The following FBN1 variants were observed in gnomAD, a reference collection of about 807,000 sequenced individuals.
FBN1 encodes fibrillin 1, also known as fibrillin-1.
In FBN1, 29 loss-of-function variants were observed where a neutral mutation model predicts 365.1. The ratio of observed to expected loss-of-function variants is 0.08; its 90% CI spans 0.06 to 0.11. FBN1 has a LOEUF of 0.11. FBN1 is among the 10% of genes least tolerant of loss of function. The pLI is 1.00. For synonymous variants in FBN1, 1,210 were observed against 1,270.5 expected (o/e 0.95, Z 1.01); for missense variants, 2,476 against 3,703.2 (o/e 0.67, Z 8.60).
chr15:48,542,498 G>GA (rs2044064894), intron 6 of FBN1, among the ~76,000 whole-genome samples: 1 of 152,160 alleles, frequency 6.6e-6, no homozygotes. Flanking sequence ...TCTGAGGAAG[G>GA]AGTTCAGAGA....
chr15:48,541,727 CTT>C lies in FBN1; in HGVS notation c.539-3921_539-3920del, dbSNP rs61478233. ...TGATATTAAGCTAAATTTACATACT[CTT>C]TTTTTTTTTTTTTTCAGATAGTCTC... On this transcript the variant is annotated intron_variant, in intron 6 of 65. Transcript: ENST00000316623. Among the ~76,000 whole-genome samples, 399 of 137,712 alleles carry C rather than the reference CTT, an allele frequency of 2.9e-3. 3 individuals are homozygous for C. Among genetic ancestry groups the C allele is most frequent in the African/African-American group, 7.2e-3 (270 of 37,620 alleles). The allele number at this position is 137,712 out of a possible 152,430, so 90.3% of individuals were successfully genotyped here.
rs2141240476 is a variant in FBN1 at position 48,437,059 on chromosome 15, T to C, written c.6398A>G (p.Glu2133Gly). Residue 2133 changes from glutamate (E) to glycine (G), a missense_variant, in exon 53 of 66, where the codon GAA (glutamate) becomes GGA (glycine). Around this residue, in one of 5 missense-constraint regions of FBN1, gnomAD observed 1,780 missense variants for 2,840.8 expected, o/e 0.63. Transcript: ENST00000316623. ...CTGTCCATGTTTACAGACATCGGGT[T>C]CTTTGCATTCGTCCATATCTTAAGC... Reference protein sequence around the residue: ...DSAVDMDECKEPDVCKHGQCI... With the variant: ...DSAVDMDECKGPDVCKHGQCI... 1 of 1,612,270 alleles carries C rather than the reference T, an allele frequency of 6.2e-7. No homozygotes were observed. Among genetic ancestry groups the C allele is most frequent in the Non-Finnish European group, 8.5e-7 (1 of 1,178,440 alleles).
chr15:48,534,720 C>T (rs17460473), intron 7 of FBN1, among the ~76,000 whole-genome samples: 76 of 152,170 alleles, frequency 5.0e-4, no homozygotes, highest in African/African-American at 1.7e-3. Context: ...AATGTTTTTG[C>T]GCAAATGAAG....
intron 60 of FBN1, among the ~76,000 whole-genome samples, chr15:48,422,759 A>T (rs541921203): frequency 6.7e-4 from 102 of 152,190 alleles, no homozygotes; most frequent in Non-Finnish European, 1.3e-3. Flanking sequence ...CACGAGTTTG[A>T]GACCAGCCTG....
At chr15:48,609,030 C>A (rs912265568) in intron 4 of FBN1, among the ~76,000 whole-genome samples, 1 of 152,220 alleles carries the variant, frequency 6.6e-6, no homozygotes, top group African/African-American at 2.4e-5. Context: ...GAGATGGGGT[C>A]TATTCCCAAC....
chr15:48,607,923 G>A (rs2044626903), intron 4 of FBN1, among the ~76,000 whole-genome samples: 1 of 152,206 alleles, frequency 6.6e-6, no homozygotes, highest in African/African-American at 2.4e-5. Context: ...ACATAGCAAA[G>A]AACAGTCCTA....
chr15:48,497,251 G>C lies in FBN1; in HGVS notation c.2293+15C>G. ...TATGCAGGCAATGTTTCAGAAAATGGGTAAAACTTCTCACCAACGCAGTTT... is the reference window on the plus strand; with the variant it reads ...TATGCAGGCAATGTTTCAGAAAATGCGTAAAACTTCTCACCAACGCAGTTT... On this transcript the variant is annotated intron_variant, in intron 19 of 65. Coordinates refer to ENST00000316623, the MANE Select transcript of FBN1 (RefSeq NM_000138.5). The C allele has an allele frequency of 6.2e-7, 1 of 1,613,896 alleles. No homozygotes were observed. Among genetic ancestry groups the C allele is most frequent in the Non-Finnish European group, 8.5e-7 (1 of 1,179,914 alleles).
rs747209043 is a variant in FBN1, at chr15:48,644,798, C to T, written c.-29G>A. Reference sequence around the variant, plus strand: ...GCCGAGCCGCCACCGGCTCCCGCCGCCTCTTGCCGCGCCCGGGGCTCGGTC... The same window carrying T: ...GCCGAGCCGCCACCGGCTCCCGCCGTCTCTTGCCGCGCCCGGGGCTCGGTC... On this transcript the variant is annotated 5_prime_UTR_variant, in exon 2 of 66. Transcript: ENST00000316623. The T allele has an allele frequency of 3.1e-6, 5 of 1,599,596 alleles. No homozygotes were observed. The highest frequency in any genetic ancestry group is 1.1e-5 in the South Asian group (1 of 90,806).
At chr15:48,588,633 C>G (rs561104537) in intron 6 of FBN1, among the ~76,000 whole-genome samples, 1 of 152,322 alleles carries the variant, frequency 6.6e-6, no homozygotes, top group African/African-American at 2.4e-5. Flanking sequence ...ACCAAGGGAA[C>G]AGATGCCACA....
intron 6 of FBN1, among the ~76,000 whole-genome samples, chr15:48,540,644 A>T (rs1158968986): frequency 1.3e-5 from 2 of 152,136 alleles, no homozygotes; most frequent in African/African-American, 4.8e-5. Context: ...GATTTTTATG[A>T]CTATATATAT....
Position 48,471,352 on chromosome 15 carries a change from C to A in FBN1, c.4337-596G>T, listed in dbSNP as rs115967718. Reference sequence around the variant, plus strand: ...TGAGACTAGCTTTAAATAGCCATGACCACTCCACCAGCCATGATTTATATT... The same window carrying A: ...TGAGACTAGCTTTAAATAGCCATGAACACTCCACCAGCCATGATTTATATT... On this transcript the variant is annotated intron_variant, in intron 35 of 65. Coordinates refer to ENST00000316623, the MANE Select transcript of FBN1 (RefSeq NM_000138.5). 5.1e-3 allele frequency among the ~76,000 whole-genome samples: 774 copies of A among 152,176 alleles called. 4 individuals are homozygous for A. Among genetic ancestry groups the A allele is most frequent in the African/African-American group, 0.018 (743 of 41,510 alleles).
chr15:48,552,066 T>C (rs1221379310), intron 6 of FBN1, among the ~76,000 whole-genome samples: 1 of 152,180 alleles, frequency 6.6e-6, no homozygotes, highest in Non-Finnish European at 1.5e-5. Flanking sequence ...AATTAGGTCT[T>C]TGAGGAATCA....
intron 6 of FBN1, among the ~76,000 whole-genome samples, chr15:48,594,983 C>T (rs2044505778): frequency 6.6e-6 from 1 of 152,156 alleles, no homozygotes; most frequent in South Asian, 2.1e-4. Flanking sequence ...AAAAACACAT[C>T]TGTGCAAGTT....
chr15:48,467,351 C>T (rs572046245), intron 38 of FBN1, among the ~76,000 whole-genome samples: 73 of 152,284 alleles, frequency 4.8e-4, no homozygotes, highest in Admixed American at 3.0e-3. Flanking sequence ...TCCCAACATA[C>T]GCTATAAGCA....
chr15:48,456,387 G>A (rs1310694390), intron 44 of FBN1, among the ~76,000 whole-genome samples: 1 of 152,158 alleles, frequency 6.6e-6, no homozygotes, highest in East Asian at 1.9e-4. Context: ...ATATCAGCTG[G>A]GAAGTCTAAT....
intron 6 of FBN1, among the ~76,000 whole-genome samples, chr15:48,555,985 C>T (rs545406942): frequency 2.0e-5 from 3 of 152,178 alleles, no homozygotes; most frequent in Non-Finnish European, 4.4e-5. Context: ...AAATAGAAGA[C>T]TCTATGCTAA....
In FBN1 at chr15:48,437,882, C is replaced by T. The variant is rs1342803259; in HGVS notation, c.6199G>A (p.Gly2067Arg). 2 of 1,613,872 alleles carry T rather than the reference C, an allele frequency of 1.2e-6. No homozygotes were observed. Among genetic ancestry groups the T allele is most frequent in the East Asian group, 2.2e-5 (1 of 44,868 alleles). ...GATTTGGGTGATGAACACTTTCCTC[C>T]TTCAAACTTCGCATAACAGTAGCTC... ...RMSYCYAKFE[G>R]GKCSSPKSRN... Residue 2067 changes from glycine to arginine, a missense_variant, in exon 51 of 66, where the codon GGA becomes AGA. Physicochemically the swap from Gly to Arg is moderately radical, Grantham distance 125. Coordinates refer to ENST00000316623, the MANE Select transcript of FBN1 (RefSeq NM_000138.5).
chr15:48,549,620 T>G (rs2044125174), intron 6 of FBN1, among the ~76,000 whole-genome samples: 1 of 152,228 alleles, frequency 6.6e-6, no homozygotes, highest in South Asian at 2.1e-4. Context: ...AGTGCCTTCA[T>G]TTATTCCTTT....
At chr15:48,497,117 A>G (rs1335070410) in intron 19 of FBN1, 149 bp downstream of exon 19, 3 of 844,036 alleles carry the variant, frequency 3.6e-6, no homozygotes, top group African/African-American at 1.7e-5. Context: ...TTTTGTTACT[A>G]AAGATATGTA....
Sources: allele counts gnomAD v4.1 joint callset (sites outside exome capture counted in the v4.1 genomes callset), GRCh38; gene constraint gnomAD v4.1.1; regional missense constraint gnomAD v4.1.1; transcripts MANE v1.5; gene names NCBI Gene and HGNC (gene_info 2026-07-23, HGNC 2026-07-21).